Variants in GRM6 observed in about 807,000 individuals in gnomAD.
The protein encoded by GRM6 is metabotropic glutamate receptor 6.
GRM6 carries 73 observed loss-of-function variants against 78.4 expected under a neutral mutation model. The ratio of observed to expected loss-of-function variants is 0.93; its 90% CI spans 0.77 to 1.13. GRM6 has a LOEUF of 1.13. GRM6 is among the 50% of genes most tolerant of loss of function. GRM6 has a pLI of 0.00. For synonymous variants in GRM6, 580 were observed against 555.0 expected (o/e 1.05, Z -0.63); for missense variants, 1,251 against 1,256.4 (o/e 1.00, Z 0.07).
In GRM6 at chr5:178,994,598, A is replaced by G; in HGVS notation, c.347T>C (p.Leu116Pro). 1 of 1,381,170 alleles carries G rather than the reference A, an allele frequency of 7.2e-7. No homozygotes were observed. The highest frequency in any genetic ancestry group is 1.6e-5 in the South Asian group (1 of 61,592). The allele number at this position is 1,381,170 out of a possible 1,614,324, so 85.6% of individuals were successfully genotyped here. A position where few individuals can be genotyped will look rare whatever the true frequency, so the allele number is the denominator to read the frequency against. ...LEQALSFVQALIRGRGDGDEV... is the reference protein window; with the variant it reads ...LEQALSFVQAPIRGRGDGDEV... ...GTCGCCGTCGCCGCGGCCGCGGATC[A>G]GCGCCTGCACGAAGCTCAGCGCCTG... Residue 116 changes from leucine (L) to proline (P), a missense_variant, in exon 2 of 11, where the codon CTG (leucine) becomes CCG (proline). Transcript: ENST00000517717.
In GRM6 at chr5:178,978,628, G is replaced by A. The variant is rs1760332475; in HGVS notation, c.*3029C>T. The A allele has an allele frequency of 6.6e-6, 1 of 152,210 alleles. No individual in the cohort carries two copies. The highest frequency in any genetic ancestry group is 1.9e-4 in the East Asian group (1 of 5,196). 9.4% of individuals were successfully genotyped at this position (152,210 alleles called of 1,614,324 possible). Reference sequence around the variant, plus strand: ...GAACGTAATCTTACTCTGCTTTAGAGCTCTCATCCCAGAGAGGAACACTGC... The same window carrying A: ...GAACGTAATCTTACTCTGCTTTAGAACTCTCATCCCAGAGAGGAACACTGC... On this transcript the variant is annotated 3_prime_UTR_variant, in exon 11 of 11. Coordinates refer to ENST00000517717, the MANE Select transcript of GRM6 (RefSeq NM_000843.4).
chr5:178,992,579 A>C lies in GRM6; in HGVS notation c.505-496T>G. 1 of 296,090 alleles carries C rather than the reference A, an allele frequency of 3.4e-6. No individual in the cohort carries two copies. Among genetic ancestry groups the C allele is most frequent in the Non-Finnish European group, 6.7e-6 (1 of 148,910 alleles). 18.3% of individuals were successfully genotyped at this position (296,090 alleles called of 1,614,324 possible). A position where few individuals can be genotyped will look rare whatever the true frequency, so the allele number is the denominator to read the frequency against. On this transcript the variant is annotated intron_variant, in intron 2 of 10. Transcript: ENST00000517717. This position sits in a 1 kb window ranked among gnomAD's most constrained non-coding sequence, Gnocchi z 4.9. ...CATTTAAAGCTGTGTCTGGCCTAGGATGGGGATTGTTGGAAACTGGGTTTC... is the reference window on the plus strand; with the variant it reads ...CATTTAAAGCTGTGTCTGGCCTAGGCTGGGGATTGTTGGAAACTGGGTTTC...
At chr5:178,983,298 G>T in intron 9 of GRM6, 77 bp from the exon 10 acceptor site, 1 of 1,282,420 alleles carries the variant, frequency 7.8e-7, no homozygotes, top group Non-Finnish European at 1.1e-6. Flanking sequence ...AGGCCCCTGC[G>T]GGTCAGGATC....
intron 9 of GRM6, among the ~76,000 whole-genome samples, chr5:178,984,630 C>G (rs980223970): frequency 2.0e-5 from 3 of 152,106 alleles, no homozygotes; most frequent in Non-Finnish European, 4.4e-5. Context: ...AGGAGCACCT[C>G]AGGCCGGGAC....
chr5:178,994,076 C>G (rs1005417373), intron 2 of GRM6, among the ~76,000 whole-genome samples: 8 of 152,198 alleles, frequency 5.3e-5, no homozygotes, highest in Non-Finnish European at 2.9e-5. Context: ...TCCGCAGGCC[C>G]AGGGGGCAGG....
At chr5:178,993,104 G>C (rs1040794196) in intron 2 of GRM6, among the ~76,000 whole-genome samples, 3 of 152,204 alleles carry the variant, frequency 2.0e-5, no homozygotes, top group African/African-American at 7.2e-5. Context: ...CATGTGGCTG[G>C]GAAATGAATG....
At chr5:178,985,404 TAAAA>T (rs10716144) in intron 9 of GRM6, 13 of 317,026 alleles carry the variant, frequency 4.1e-5, no homozygotes, top group Admixed American at 1.8e-4. Flanking sequence ...CCTGTGGCCT[TAAAA>T]AAAAAAAAAA....
chr5:178,991,353 C>G lies in GRM6; in HGVS notation c.857+71G>C. On this transcript the variant is annotated intron_variant, in intron 4 of 10. Coordinates refer to ENST00000517717, the MANE Select transcript of GRM6 (RefSeq NM_000843.4). This position sits in a 1 kb window ranked among gnomAD's most constrained non-coding sequence, Gnocchi z 5.0. ...GAGGCAGGGAGAGTGTGTAAGGTGG[C>G]GATGTGCAAGAGGAGGGGTGGGACC... 1 of 1,390,250 alleles carries G rather than the reference C, an allele frequency of 7.2e-7. No individual in the cohort carries two copies. Among genetic ancestry groups the G allele is most frequent in the Non-Finnish European group, 1.0e-6 (1 of 978,726 alleles). The allele number at this position is 1,390,250 out of a possible 1,614,324, so 86.1% of individuals were successfully genotyped here.
Position 178,991,934 on chromosome 5 carries a change from C to T in GRM6, c.654G>A (p.Thr218=), listed in dbSNP as rs756422865. 4.3e-5 allele frequency: 69 copies of T among 1,613,982 alleles called. 1 individual carries two copies. The South Asian group carries it at 6.4e-4, about 15-fold the overall frequency. ...VRALGWNYVS[T]LASEGNYGES... ...CGCCATAGTTGCCCTCGGAGGCCAG[C>T]GTGGACACATAGTTCCATCCCAGTG... The change falls in exon 3 of 11, where the codon ACG becomes ACA. Residue 218 remains threonine (T), a synonymous_variant. Coordinates refer to ENST00000517717, the MANE Select transcript of GRM6 (RefSeq NM_000843.4). This position sits in a 1 kb window ranked among gnomAD's most constrained non-coding sequence, Gnocchi z 5.0.
At chr5:178,984,539 G>A (rs1417694537) in intron 9 of GRM6, among the ~76,000 whole-genome samples, 1 of 152,178 alleles carries the variant, frequency 6.6e-6, no homozygotes, top group Non-Finnish European at 1.5e-5. Flanking sequence ...TACAGTGTGG[G>A]GCGGGCAGTG....
chr5:178,984,385 C>T lies in GRM6; in HGVS notation c.2125-1164G>A, dbSNP rs571994185. On this transcript the variant is annotated intron_variant, in intron 9 of 10. Transcript: ENST00000517717. Reference sequence around the variant, plus strand: ...CAGGAGAGGAAAGCCCCATGGCCGGCGCACTGGTGCTAAGTGCAGGCGAAT... The same window carrying T: ...CAGGAGAGGAAAGCCCCATGGCCGGTGCACTGGTGCTAAGTGCAGGCGAAT... Among the ~76,000 whole-genome samples the T allele has an allele frequency of 2.4e-4, 36 of 152,322 alleles. 1 individual carries two copies. Among genetic ancestry groups the T allele is most frequent in the Admixed American group, 1.6e-3 (24 of 15,306 alleles).
At position 178,990,618 on chromosome 5, in the gene GRM6, A is replaced by G. The variant is rs1459436735; in HGVS notation, c.986T>C (p.Ile329Thr). The change falls in exon 5 of 11, where the codon ATC becomes ACC. Residue 329 changes from isoleucine (I) to threonine (T), a missense_variant. By Grantham distance (89) the Ile-to-Thr change is moderately conservative. Transcript: ENST00000517717. ...GTCGATGGAGGCCCTTTTGGGCAGG[A>G]TGGTGATGGCCCCAACGGCCACGTC... ...LEDVAVGAIT[I>T]LPKRASIDGF... 3 of 1,613,198 alleles carry G rather than the reference A, an allele frequency of 1.9e-6. No homozygotes were observed. In the South Asian group the frequency reaches 3.3e-5, roughly 18 times the overall value.
At chr5:178,984,445 C>G (rs1332118594) in intron 9 of GRM6, among the ~76,000 whole-genome samples, 2 of 152,214 alleles carry the variant, frequency 1.3e-5, no homozygotes, top group Non-Finnish European at 2.9e-5. Context: ...TGCAGCCCGT[C>G]ATGACGTGGT....
rs528831135 is a variant in GRM6 at position 178,990,629 on chromosome 5, C to T, written c.975G>A (p.Gly325=). The change falls in exon 5 of 11, where the codon GGG becomes GGA. Residue 325 remains glycine, a synonymous_variant. Transcript: ENST00000517717. ...CCCTTTTGGGCAGGATGGTGATGGCCCCAACGGCCACGTCCTCCAGGCTCA... is the reference window on the plus strand; with the variant it reads ...CCCTTTTGGGCAGGATGGTGATGGCTCCAACGGCCACGTCCTCCAGGCTCA... The part of the protein sequence containing the change: ...PILSLEDVAV[G]AITILPKRAS... 4.3e-6 allele frequency: 7 copies of T among 1,612,986 alleles called. No homozygotes were observed. The African/African-American group carries it at 5.3e-5, about 12-fold the overall frequency.
chr5:178,992,465 G>A lies in GRM6; in HGVS notation c.505-382C>T, dbSNP rs1352347979. 2.7e-6 allele frequency: 1 copy of A among 373,632 alleles called. No homozygotes were observed. The highest frequency in any genetic ancestry group is 2.1e-5 in the South Asian group (1 of 47,998). The allele number at this position is 373,632 out of a possible 1,614,324, so 23.1% of individuals were successfully genotyped here. ...CCTAGTCAGGCCCAGGGCAAAGCAC[G>A]TTTTCTTGATTCACACCAAGGGGTG... On this transcript the variant is annotated intron_variant, in intron 2 of 10. Coordinates refer to ENST00000517717, the MANE Select transcript of GRM6 (RefSeq NM_000843.4). This position sits in a 1 kb window ranked among gnomAD's most constrained non-coding sequence, Gnocchi z 4.9.
Position 178,994,945 on chromosome 5 carries a change from C to T in GRM6, c.-1G>A, listed in dbSNP as rs1760747962. 1.7e-6 allele frequency: 2 copies of T among 1,173,314 alleles called. No homozygotes were observed. The highest frequency in any genetic ancestry group is 2.1e-6 in the Non-Finnish European group (2 of 950,524). 72.7% of individuals were successfully genotyped at this position (1,173,314 alleles called of 1,614,324 possible). On this transcript the variant is annotated 5_prime_UTR_variant, in exon 2 of 11. Transcript: ENST00000517717. ...CCCGGGCTCTCCGGGGCCGCGCCAT[C>T]GGCTCGTCTAGCGGGCTGCGGGGAG...
intron 7 of GRM6, 66 bp from the exon 8 acceptor site, chr5:178,987,049 C>T: frequency 6.5e-7 from 1 of 1,534,052 alleles, no homozygotes; most frequent in South Asian, 1.1e-5. Context: ...CTGGGGAGGC[C>T]CCAGGGACCA....
chr5:178,988,686 GA>G lies in GRM6; in HGVS notation c.1354+248del, dbSNP rs1760611573. Among the ~76,000 whole-genome samples, 1 of 152,264 alleles carries G rather than the reference GA, an allele frequency of 6.6e-6. No individual in the cohort carries two copies. The highest frequency in any genetic ancestry group is 2.4e-5 in the African/African-American group (1 of 41,554). On this transcript the variant is annotated intron_variant, in intron 7 of 10. Coordinates refer to ENST00000517717, the MANE Select transcript of GRM6 (RefSeq NM_000843.4). This position sits in a 1 kb window ranked among gnomAD's most constrained non-coding sequence, Gnocchi z 6.0. ...CCCACTGGGGGTTCCTGGCAGAAGG[GA>G]TCAGAGAAGCTCCCCAGCATCTGAA...
Position 178,991,393 on chromosome 5 carries a change from C to T in GRM6, c.857+31G>A, listed in dbSNP as rs936953314. 1.1e-5 allele frequency: 17 copies of T among 1,609,756 alleles called. No homozygotes were observed. The highest frequency in any genetic ancestry group is 1.1e-5 in the Non-Finnish European group (13 of 1,176,340). On this transcript the variant is annotated intron_variant, in intron 4 of 10. Transcript: ENST00000517717. This position sits in a 1 kb window ranked among gnomAD's most constrained non-coding sequence, Gnocchi z 5.0. ...GGGGTGGGACCCTCAGGGAGAGCCC[C>T]AGGGGCCCGGTGATTGTGCCACTGT...
Sources: gnomAD v4.1 joint callset for allele counts (sites outside exome capture counted in the v4.1 genomes callset) on GRCh38, gnomAD v4.1.1 for gene constraint, Gnocchi (gnomAD v3.1) non-coding constraint, MANE v1.5 for transcripts, NCBI Gene and HGNC (gene_info 2026-07-23, HGNC 2026-07-21) for gene names.